BICC1: variants seen among roughly 807,000 people sequenced by gnomAD.
BICC1 encodes the protein BicC family RNA binding protein 1.
BICC1 carries 43 observed loss-of-function variants against 111.0 expected under a neutral mutation model. The ratio of observed to expected loss-of-function variants is 0.39; its 90% CI spans 0.30 to 0.50. The LOEUF is 0.50. BICC1 is among the 20% of genes least tolerant of loss of function. The probability of loss-of-function intolerance (pLI) is 0.88; values close to 1 mark genes in which losing one functional copy is unlikely to be tolerated. For missense variants in BICC1, 1,091 were observed against 1,203.2 expected (o/e 0.91, Z 1.38); for synonymous variants, 467 against 434.4 (o/e 1.07, Z -0.93).
chr10:58,748,216 G>A (rs545416503), intron 3 of BICC1, among the ~76,000 whole-genome samples: 2 of 152,184 alleles, frequency 1.3e-5, no homozygotes, highest in South Asian at 4.2e-4. Flanking sequence ...TGTCCTATAT[G>A]CCAGGCAGTG....
intron 1 of BICC1, among the ~76,000 whole-genome samples, chr10:58,578,196 T>A (rs1054520323): frequency 6.6e-6 from 1 of 152,226 alleles, no homozygotes; most frequent in Non-Finnish European, 1.5e-5. Flanking sequence ...TATCCTTCAT[T>A]TCCTGTGTGT....
At chr10:58,611,216 C>T (rs1261562493) in intron 1 of BICC1, among the ~76,000 whole-genome samples, 1 of 152,068 alleles carries the variant, frequency 6.6e-6, no homozygotes, top group Non-Finnish European at 1.5e-5. Flanking sequence ...TGAATGTTTT[C>T]TAATTAAAAA....
chr10:58,526,163 C>T, intron 1 of BICC1, among the ~76,000 whole-genome samples: 1 of 151,498 alleles, frequency 6.6e-6, no homozygotes, highest in Non-Finnish European at 1.5e-5. Context: ...AGCAACAACT[C>T]ATGACATACA....
chr10:58,542,847 T>TAA (rs34877289), intron 1 of BICC1, among the ~76,000 whole-genome samples: 95 of 150,762 alleles, frequency 6.3e-4, no homozygotes, highest in African/African-American at 2.1e-3. Flanking sequence ...TGGCCATTAT[T>TAA]AAAAAAAAAC....
At chr10:58,519,213 G>T (rs763647771) in intron 1 of BICC1, among the ~76,000 whole-genome samples, 1 of 152,154 alleles carries the variant, frequency 6.6e-6, no homozygotes, top group Admixed American at 6.5e-5. Flanking sequence ...GTGTTTTGAG[G>T]TGTGTCTGGT....
intron 17 of BICC1, among the ~76,000 whole-genome samples, chr10:58,812,019 T>C (rs998782178): frequency 6.6e-6 from 1 of 152,076 alleles, no homozygotes; most frequent in African/African-American, 2.4e-5. Context: ...TAAGGCACAG[T>C]GGAAATACAT....
At chr10:58,607,540 C>A (rs1370896976) in intron 1 of BICC1, among the ~76,000 whole-genome samples, 2 of 151,784 alleles carry the variant, frequency 1.3e-5, no homozygotes, top group Non-Finnish European at 2.9e-5. Flanking sequence ...CCCTCCTGTC[C>A]TTTTCGTCCC....
chr10:58,583,617 TGTGTGTGTGTA>T (rs1844347709), intron 1 of BICC1, among the ~76,000 whole-genome samples: 2 of 151,772 alleles, frequency 1.3e-5, no homozygotes, highest in Non-Finnish European at 2.9e-5. Flanking sequence ...TGTGTGTGTG[TGTGTGTGTGTA>T]CATACACACA....
intron 1 of BICC1, among the ~76,000 whole-genome samples, chr10:58,517,597 C>T (rs1842276381): frequency 6.6e-6 from 1 of 152,052 alleles, no homozygotes; most frequent in Non-Finnish European, 1.5e-5. Context: ...TTGATCAAGG[C>T]TAATAAACAG....
chr10:58,553,839 A>G (rs949493601), intron 1 of BICC1, among the ~76,000 whole-genome samples: 3 of 151,738 alleles, frequency 2.0e-5, no homozygotes, highest in Non-Finnish European at 4.4e-5. Context: ...AACTTTGTCA[A>G]TAGAGTACAA....
chr10:58,734,887 C>G (rs1841422237), intron 3 of BICC1, among the ~76,000 whole-genome samples: 1 of 152,134 alleles, frequency 6.6e-6, no homozygotes, highest in Non-Finnish European at 1.5e-5. Flanking sequence ...AAGAGTCAGC[C>G]TTGTGCATTT....
chr10:58,754,580 T>G (rs1398917593), intron 3 of BICC1, among the ~76,000 whole-genome samples: 2 of 152,226 alleles, frequency 1.3e-5, no homozygotes, highest in African/African-American at 4.8e-5. Context: ...TGCCAAAGGT[T>G]GGCAACCTTT....
chr10:58,731,164 T>C (rs1841280661), intron 3 of BICC1, among the ~76,000 whole-genome samples: 1 of 152,160 alleles, frequency 6.6e-6, no homozygotes, highest in Admixed American at 6.5e-5. Context: ...CTCACAAGTT[T>C]AAAGTTCCAC....
rs1268291579 is a variant in BICC1 at position 58,573,033 on chromosome 10, TTTC to T, written c.191-47820_191-47818del. Reference sequence around the variant, plus strand: ...TCATATTTGACTTTGGATCCTGTGTTTTCTAAGTTTTTACCTCAAACAAAATGA... The same window carrying T: ...TCATATTTGACTTTGGATCCTGTGTTTAAGTTTTTACCTCAAACAAAATGA... On this transcript the variant is annotated intron_variant, in intron 1 of 20. Transcript: ENST00000373886. 9.8e-3 allele frequency among the ~76,000 whole-genome samples: 1,494 copies of T among 152,268 alleles called. 31 individuals are homozygous for T. Among genetic ancestry groups the T allele is most frequent in the African/African-American group, 0.034 (1,417 of 41,556 alleles).
chr10:58,600,599 A>G (rs1844994187), intron 1 of BICC1, among the ~76,000 whole-genome samples: 1 of 152,168 alleles, frequency 6.6e-6, no homozygotes. Context: ...CATATAATAT[A>G]GTTGACTCTT....
At chr10:58,686,385 G>A (rs1006966911) in intron 2 of BICC1, among the ~76,000 whole-genome samples, 2 of 152,108 alleles carry the variant, frequency 1.3e-5, no homozygotes, top group Admixed American at 1.3e-4. Context: ...GGCATTCTCT[G>A]TATTTCCTGA....
At chr10:58,787,994 C>G (rs1026539891) in intron 5 of BICC1, among the ~76,000 whole-genome samples, 3 of 151,824 alleles carry the variant, frequency 2.0e-5, no homozygotes, top group Admixed American at 6.6e-5. Flanking sequence ...TTTTCAGAAC[C>G]TAGTGTAGCT....
At chr10:58,823,401 C>T in intron 20 of BICC1, 1 of 985,010 alleles carries the variant, frequency 1.0e-6, no homozygotes, top group Non-Finnish European at 1.2e-6. Context: ...TCTAAAGTCT[C>T]TTCAGTAGGA....
intron 1 of BICC1, among the ~76,000 whole-genome samples, chr10:58,602,490 A>C (rs1845072695): frequency 6.6e-6 from 1 of 152,188 alleles, no homozygotes; most frequent in African/African-American, 2.4e-5. Flanking sequence ...TCATGTTAAG[A>C]AACCAAGGAC....
Sources: allele counts gnomAD v4.1 joint callset (sites outside exome capture counted in the v4.1 genomes callset), GRCh38; gene constraint gnomAD v4.1.1; transcripts MANE v1.5; gene names NCBI Gene and HGNC (gene_info 2026-07-23, HGNC 2026-07-21).